Variants in VPS13D observed in about 807,000 individuals in gnomAD.
VPS13D encodes vacuolar protein sorting 13 homolog D.
A neutral mutation model predicts 461.9 loss-of-function variants in VPS13D; 187 were observed. The ratio of observed to expected loss-of-function variants is 0.40; its 90% CI spans 0.36 to 0.46. The LOEUF (loss-of-function observed/expected upper bound fraction) is 0.46, where lower values mean the gene tolerates loss of function less well. Among genes scored for constraint, VPS13D ranks in the 20% least tolerant of loss-of-function variants. The pLI is 0.60. For synonymous variants in VPS13D, 1,951 were observed against 1,986.3 expected (o/e 0.98, Z 0.47); for missense variants, 4,711 against 5,364.9 (o/e 0.88, Z 3.81).
chr1:12,361,403 A>ATTTATTTTT, intron 50 of VPS13D, among the ~76,000 whole-genome samples: 1 of 134,004 alleles, frequency 7.5e-6, no homozygotes, highest in African/African-American at 2.8e-5. Context: ...TTATTTATTT[A>ATTTATTTTT]TTTTTTTTTT....
At chr1:12,424,414 C>T (rs1384625708) in intron 65 of VPS13D, among the ~76,000 whole-genome samples, 1 of 152,142 alleles carries the variant, frequency 6.6e-6, no homozygotes, top group Non-Finnish European at 1.5e-5. Context: ...GAATGACTCA[C>T]CCTAACTTGG....
intron 13 of VPS13D, 68 bp from the exon 14 acceptor site, chr1:12,266,813 C>A: frequency 7.7e-7 from 1 of 1,296,446 alleles, no homozygotes; most frequent in South Asian, 1.9e-5. Context: ...AATAGAATAT[C>A]TAATATTTTC....
chr1:12,258,207 C>G lies in VPS13D; in HGVS notation c.1110+104C>G, dbSNP rs939927289. The G allele has an allele frequency of 7.3e-6, 10 of 1,377,222 alleles. No individual in the cohort carries two copies. The Admixed American group carries it at 2.1e-4, about 28-fold the overall frequency. The allele number at this position is 1,377,222 out of a possible 1,614,324, so 85.3% of individuals were successfully genotyped here. Reference sequence around the variant, plus strand: ...TCTGTGAAGTAATAAAGTCCCATGCCAAAGGGGCTAAATTTTATAGGATAG... The same window carrying G: ...TCTGTGAAGTAATAAAGTCCCATGCGAAAGGGGCTAAATTTTATAGGATAG... On this transcript the variant is annotated intron_variant, in intron 10 of 69. Coordinates refer to ENST00000620676, the MANE Select transcript of VPS13D (RefSeq NM_015378.4).
chr1:12,249,940 A>G (rs1249559063), intron 6 of VPS13D, among the ~76,000 whole-genome samples: 1 of 152,182 alleles, frequency 6.6e-6, no homozygotes, highest in African/African-American at 2.4e-5. Flanking sequence ...GCTTAGTCCC[A>G]TAGGACCGCC....
At chr1:12,373,299 T>C (rs945164175) in intron 54 of VPS13D, among the ~76,000 whole-genome samples, 1 of 151,824 alleles carries the variant, frequency 6.6e-6, no homozygotes, top group African/African-American at 2.4e-5. Context: ...TTTTGTGTTT[T>C]TAATAGAGAC....
intron 64 of VPS13D, 89 bp from the exon 65 acceptor site, chr1:12,416,571 A>G: frequency 7.3e-7 from 1 of 1,369,118 alleles, no homozygotes; most frequent in Non-Finnish European, 9.9e-7. Context: ...AGAACAAAAT[A>G]GATTTCTAAG....
At chr1:12,326,646 AT>A (rs546644698) in intron 35 of VPS13D, among the ~76,000 whole-genome samples, 3,209 of 141,404 alleles carry the variant, frequency 0.023, 125 homozygotes, top group Admixed American at 0.11. Flanking sequence ...CTGTTTGGTA[AT>A]TTTTTTTTTT....
Position 12,458,794 on chromosome 1 carries a change from G to A in VPS13D, c.12467-1407G>A, listed in dbSNP as rs575516381. 3.3e-5 allele frequency among the ~76,000 whole-genome samples: 5 copies of A among 152,270 alleles called. No individual in the cohort carries two copies. The South Asian group carries it at 6.2e-4, about 19-fold the overall frequency. ...CAGGTCCTGGAGATGCTCCCTAGAC[G>A]GGCTGCCTCTTCCCTTCAGTGACTG... On this transcript the variant is annotated intron_variant, in intron 66 of 69. Coordinates refer to ENST00000620676, the MANE Select transcript of VPS13D (RefSeq NM_015378.4).
intron 67 of VPS13D, among the ~76,000 whole-genome samples, chr1:12,493,503 A>G (rs1645915698): frequency 6.7e-6 from 1 of 149,920 alleles, no homozygotes; most frequent in Non-Finnish European, 1.5e-5. Context: ...AAAAAAAAAG[A>G]CTAGAGTCCT....
intron 67 of VPS13D, chr1:12,465,183 A>C (rs1244555894): frequency 1.3e-5 from 2 of 152,256 alleles, no homozygotes; most frequent in African/African-American, 2.4e-5. Context: ...CTGCCTCTGC[A>C]CTATGTATTT....
At chr1:12,475,822 G>T (rs1199531681) in intron 67 of VPS13D, among the ~76,000 whole-genome samples, 2 of 152,040 alleles carry the variant, frequency 1.3e-5, no homozygotes, top group African/African-American at 4.8e-5. Flanking sequence ...CTTCCCGCAT[G>T]CTCAGTCATC....
intron 52 of VPS13D, among the ~76,000 whole-genome samples, chr1:12,364,698 G>T (rs1030587445): frequency 6.6e-6 from 1 of 152,144 alleles, no homozygotes; most frequent in Non-Finnish European, 1.5e-5. Context: ...CTGTATAATG[G>T]GTATGAGGTG....
chr1:12,426,217 T>C (rs1014573201), intron 65 of VPS13D, among the ~76,000 whole-genome samples: 1 of 152,190 alleles, frequency 6.6e-6, no homozygotes, highest in Non-Finnish European at 1.5e-5. Flanking sequence ...TTATTCAAAT[T>C]TAAATCATGT....
intron 67 of VPS13D, among the ~76,000 whole-genome samples, chr1:12,484,700 A>G (rs1044056373): frequency 1.3e-5 from 2 of 152,262 alleles, no homozygotes; most frequent in African/African-American, 4.8e-5. Context: ...AGCAGTCTCA[A>G]TCCTGGTTTC....
intron 55 of VPS13D, among the ~76,000 whole-genome samples, chr1:12,374,269 C>G (rs1243067882): frequency 1.3e-5 from 2 of 152,134 alleles, no homozygotes; most frequent in Non-Finnish European, 2.9e-5. Context: ...AAAAGAGTTA[C>G]ATTGACATTG....
At chr1:12,440,692 A>G (rs937323233) in intron 65 of VPS13D, among the ~76,000 whole-genome samples, 1 of 152,110 alleles carries the variant, frequency 6.6e-6, no homozygotes, top group Non-Finnish European at 1.5e-5. Flanking sequence ...CCTGGCCAGC[A>G]TGGCAAAACC....
chr1:12,387,215 T>C (rs962330654), intron 60 of VPS13D, among the ~76,000 whole-genome samples: 2 of 152,212 alleles, frequency 1.3e-5, no homozygotes, highest in African/African-American at 4.8e-5. Flanking sequence ...CTTGCCCTCA[T>C]GATTAATTAG....
rs960350635 is a variant in VPS13D at position 12,244,298 on chromosome 1, C to T, written c.228C>T (p.Asp76=). The stretch of plus-strand genomic sequence containing the variant: ...TTCCCTTTTATCGCCCCCATGTGGA[C>T]CCTTGGGTGATCTCCATCTCCAGCC... ...LQIPFYRPHV[D]PWVISISSLH... The change falls in exon 4 of 70, where the codon GAC becomes GAT. Residue 76 remains aspartate (D), a synonymous_variant. Coordinates refer to ENST00000620676, the MANE Select transcript of VPS13D (RefSeq NM_015378.4). 2.5e-6 allele frequency: 4 copies of T among 1,614,116 alleles called. No individual in the cohort carries two copies. Among genetic ancestry groups the T allele is most frequent in the Non-Finnish European group, 3.4e-6 (4 of 1,179,982 alleles).
In VPS13D at chr1:12,293,570, G is replaced by C; in HGVS notation, c.5899G>C (p.Val1967Leu). The change falls in exon 24 of 70, where the codon GTG (valine) becomes CTG (leucine). Residue 1967 changes from valine to leucine, a missense_variant. Physicochemically the swap from Val to Leu is conservative, Grantham distance 32. Transcript: ENST00000620676. ...GCTCCGGAGAGAACACGACATTCGC[G>C]TGAGCCTCCGGATGGCCTCTGTGCA... The part of the protein sequence containing the change: ...PLLRREHDIR[V>L]SLRMASVQYV... 1.9e-6 allele frequency: 3 copies of C among 1,613,922 alleles called. No homozygotes were observed. The highest frequency in any genetic ancestry group is 2.5e-6 in the Non-Finnish European group (3 of 1,179,892).
Sources: allele counts gnomAD v4.1 joint callset (sites outside exome capture counted in the v4.1 genomes callset), GRCh38; gene constraint gnomAD v4.1.1; transcripts MANE v1.5; gene names NCBI Gene and HGNC (gene_info 2026-07-23, HGNC 2026-07-21).